Variants in MYH9 observed in about 807,000 individuals in gnomAD.
The protein encoded by MYH9 is myosin-9.
Under a neutral mutation model 241.9 loss-of-function variants are expected in MYH9, and 29 were observed. That is an observed-to-expected ratio of 0.12 (90% CI 0.09 to 0.16). The LOEUF is 0.16. Among genes scored for constraint, MYH9 ranks in the 10% least tolerant of loss-of-function variants. The pLI is 1.00. For synonymous variants in MYH9, 1,047 were observed against 1,062.6 expected, an observed-to-expected ratio of 0.99 and a Z score of 0.29; for missense variants, 1,803 against 2,595.5, an observed-to-expected ratio of 0.69 and a Z score of 6.63.
chr22:36,338,775 G>T (rs1056976053), intron 3 of MYH9, among the ~76,000 whole-genome samples: 1 of 151,090 alleles, frequency 6.6e-6, no homozygotes, highest in Non-Finnish European at 1.5e-5. Context: ...AGCCGAGATC[G>T]TGCCACTGCA....
intron 3 of MYH9, among the ~76,000 whole-genome samples, chr22:36,335,053 G>T (rs781590973): frequency 1.3e-5 from 2 of 152,142 alleles, no homozygotes; most frequent in Non-Finnish European, 2.9e-5. Flanking sequence ...CTATAGAAGT[G>T]CTGTGTCATC....
intron 1 of MYH9, among the ~76,000 whole-genome samples, chr22:36,385,160 G>A (rs919124945): frequency 1.4e-5 from 2 of 145,554 alleles, no homozygotes; most frequent in African/African-American, 2.6e-5. Context: ...CAAGGCACGG[G>A]TTTTTTTTTT....
chr22:36,374,855 T>G (rs1018157190), intron 1 of MYH9, among the ~76,000 whole-genome samples: 2 of 152,160 alleles, frequency 1.3e-5, no homozygotes, highest in Non-Finnish European at 2.9e-5. Flanking sequence ...GAATCACCCC[T>G]GAACAAAGCT....
At chr22:36,340,893 G>A (rs185192344) in intron 3 of MYH9, among the ~76,000 whole-genome samples, 279 of 152,260 alleles carry the variant, frequency 1.8e-3, no homozygotes, top group African/African-American at 6.2e-3. Context: ...AAGCTTCACT[G>A]CGATGGAACA....
chr22:36,362,237 G>T (rs2017946349), intron 1 of MYH9, among the ~76,000 whole-genome samples: 2 of 152,042 alleles, frequency 1.3e-5, no homozygotes, highest in Non-Finnish European at 2.9e-5. Context: ...GACACGAGAG[G>T]GACAAGTGCA....
intron 1 of MYH9, among the ~76,000 whole-genome samples, chr22:36,369,983 C>T (rs1233520722): frequency 1.3e-5 from 2 of 152,054 alleles, no homozygotes; most frequent in Non-Finnish European, 2.9e-5. Flanking sequence ...ACCTTTGTAA[C>T]GTGATATAAA....
intron 1 of MYH9, among the ~76,000 whole-genome samples, chr22:36,362,873 G>A (rs966060406): frequency 6.6e-6 from 1 of 152,130 alleles, no homozygotes; most frequent in Non-Finnish European, 1.5e-5. Flanking sequence ...CAGAATGATA[G>A]CCCGCCCAGC....
rs143152734 is a variant in MYH9, at chr22:36,300,359, G to C, written c.2839-95C>G. On this transcript the variant is annotated intron_variant, in intron 22 of 40. Transcript: ENST00000216181. This position sits in a 1 kb window ranked among gnomAD's most constrained non-coding sequence, Gnocchi z 5.0. ...CCGAAGGCCAGATCCAAACGCCAAGGAGAAAATAGCAAGGTCTGTGAGCCC... is the reference window on the plus strand; with the variant it reads ...CCGAAGGCCAGATCCAAACGCCAAGCAGAAAATAGCAAGGTCTGTGAGCCC... The C allele has an allele frequency of 6.4e-7, 1 of 1,560,958 alleles. No homozygotes were observed. The highest frequency in any genetic ancestry group is 8.7e-7 in the Non-Finnish European group (1 of 1,145,456).
chr22:36,317,429 G>A (rs531824877), intron 11 of MYH9, among the ~76,000 whole-genome samples: 6 of 152,164 alleles, frequency 3.9e-5, no homozygotes, highest in Middle Eastern at 3.4e-3. Context: ...AGAAAATGGA[G>A]GTTTCTCCTT....
intron 1 of MYH9, among the ~76,000 whole-genome samples, chr22:36,350,193 G>C (rs138734983): frequency 6.6e-6 from 1 of 152,326 alleles, no homozygotes; most frequent in African/African-American, 2.4e-5. Flanking sequence ...TGAGCCAAGA[G>C]AACTTAAGTT....
At chr22:36,298,294 G>C (rs1202772184) in intron 24 of MYH9, among the ~76,000 whole-genome samples, 1 of 152,072 alleles carries the variant, frequency 6.6e-6, no homozygotes, top group Non-Finnish European at 1.5e-5. Context: ...GGGGTCCTCA[G>C]ACAGCCACGG....
chr22:36,304,223 G>C, intron 18 of MYH9, 68 bp from the exon 19 acceptor site: 3 of 1,556,136 alleles, frequency 1.9e-6, no homozygotes, highest in Non-Finnish European at 2.7e-6. Context: ...GGGTGGCCCA[G>C]GCACAGCTGG....
intron 2 of MYH9, among the ~76,000 whole-genome samples, chr22:36,345,998 T>G (rs2017671532): frequency 6.6e-6 from 1 of 152,042 alleles, no homozygotes; most frequent in African/African-American, 2.4e-5. Flanking sequence ...AATACAAAAA[T>G]TAGCCGGGCA....
At chr22:36,316,385 C>G (rs2017152674) in intron 12 of MYH9, 132 bp downstream of exon 12, 1 of 1,358,050 alleles carries the variant, frequency 7.4e-7, no homozygotes, top group African/African-American at 1.4e-5. Flanking sequence ...CACACCCAAC[C>G]AAAGTCTTCA....
rs978374943 is a variant in MYH9, at chr22:36,330,008, T to C, written c.491-2520A>G. ...CACGCAAGGCACATGTATTCACAGG[T>C]GAATGTGAACATACATGTATGTACA... is the stretch of plus-strand genomic sequence containing the variant. On this transcript the variant is annotated intron_variant, in intron 3 of 40. Coordinates refer to ENST00000216181, the MANE Select transcript of MYH9 (RefSeq NM_002473.6). The surrounding 1 kb of genome is among the most constrained non-coding windows in gnomAD (Gnocchi z 4.5). Among the ~76,000 whole-genome samples the C allele has an allele frequency of 5.9e-5, 9 of 152,288 alleles. No individual in the cohort carries two copies. The highest frequency in any genetic ancestry group is 1.2e-4 in the African/African-American group (5 of 41,562).
rs749904502 is a variant in MYH9, at chr22:36,301,090, C to T, written c.2632-33G>A. 6.3e-5 allele frequency: 101 copies of T among 1,592,162 alleles called. No homozygotes were observed. In the East Asian group the frequency reaches 2.1e-3, roughly 32 times the overall value. The stretch of plus-strand genomic sequence containing the variant: ...CAACAAGTGGAAAACACAAGCTCCT[C>T]GCAACACCCTCAAGCCACTCCATCC... On this transcript the variant is annotated intron_variant, in intron 21 of 40. Transcript: ENST00000216181.
chr22:36,349,394 T>C (rs902567381), intron 1 of MYH9, 139 bp from the exon 2 acceptor site: 4 of 710,132 alleles, frequency 5.6e-6, no homozygotes, highest in African/African-American at 5.3e-5. Context: ...GCTGCACAAC[T>C]TTCTTGCTCC....
intron 31 of MYH9, among the ~76,000 whole-genome samples, chr22:36,291,144 C>T (rs1205626805): frequency 2.0e-5 from 3 of 151,446 alleles, no homozygotes; most frequent in Non-Finnish European, 4.4e-5. Context: ...TAGTGAGGAG[C>T]CCCTCTGCCA....
intron 1 of MYH9, among the ~76,000 whole-genome samples, chr22:36,381,865 G>A (rs73885385): frequency 0.056 from 8,487 of 152,176 alleles, 656 homozygotes; most frequent in African/African-American, 0.16. Flanking sequence ...TGTCAATGCC[G>A]CAATGAAGAT....
Sources: gnomAD v4.1 joint callset for allele counts (sites outside exome capture counted in the v4.1 genomes callset) on GRCh38, gnomAD v4.1.1 for gene constraint, Gnocchi (gnomAD v3.1) non-coding constraint, MANE v1.5 for transcripts, NCBI Gene and HGNC (gene_info 2026-07-23, HGNC 2026-07-21) for gene names.